The following N4BP1 variants were observed in gnomAD, a reference collection of about 807,000 sequenced individuals.
N4BP1 encodes NEDD4 binding protein 1.
In N4BP1, 21 loss-of-function variants were observed where a neutral mutation model predicts 70.9. The observed-to-expected ratio is 0.30, with a 90% CI of 0.21 to 0.43. The LOEUF is 0.43. Ranked by LOEUF, N4BP1 falls within the 20% of genes least tolerant of loss-of-function variation. The probability of loss-of-function intolerance (pLI) is 1.00; values close to 1 mark genes in which losing one functional copy is unlikely to be tolerated. For synonymous variants in N4BP1, 387 were observed against 394.6 expected (o/e 0.98, Z 0.23); for missense variants, 936 against 1,069.4 (o/e 0.88, Z 1.74).
At chr16:48,573,445 T>C (rs572981343) in intron 1 of N4BP1, among the ~76,000 whole-genome samples, 1 of 151,878 alleles carries the variant, frequency 6.6e-6, no homozygotes, top group Non-Finnish European at 1.5e-5. Context: ...ATACAAAAAT[T>C]AGTCGGGCAT....
At chr16:48,578,778 T>C (rs893674326) in intron 1 of N4BP1, among the ~76,000 whole-genome samples, 1 of 152,212 alleles carries the variant, frequency 6.6e-6, no homozygotes, top group Non-Finnish European at 1.5e-5. Context: ...TATAACCTAG[T>C]TTAAACTTTT....
chr16:48,577,129 C>T lies in N4BP1; in HGVS notation c.199-14685G>A, dbSNP rs142015309. Among the ~76,000 whole-genome samples the T allele has an allele frequency of 4.9e-3, 743 of 152,244 alleles. 7 individuals carry two copies. Among genetic ancestry groups the T allele is most frequent in the African/African-American group, 0.017 (699 of 41,544 alleles). ...GGCAATCCCTTGCCTTCCTCATCTG[C>T]CCCCATTCAAACCAAAACCACTTTG... On this transcript the variant is annotated intron_variant, in intron 1 of 6. Transcript: ENST00000262384.
intron 1 of N4BP1, among the ~76,000 whole-genome samples, chr16:48,593,846 C>A (rs1353613512): frequency 6.6e-6 from 1 of 151,814 alleles, no homozygotes; most frequent in Non-Finnish European, 1.5e-5. Context: ...AGTGTCTCTA[C>A]TAAAAATTAG....
At chr16:48,558,143 A>T (rs1235637539) in intron 2 of N4BP1, among the ~76,000 whole-genome samples, 3 of 152,158 alleles carry the variant, frequency 2.0e-5, no homozygotes, top group Non-Finnish European at 4.4e-5. Context: ...GGTAAATCTT[A>T]ATTACTGATA....
At chr16:48,574,215 T>C (rs1311604889) in intron 1 of N4BP1, among the ~76,000 whole-genome samples, 1 of 152,370 alleles carries the variant, frequency 6.6e-6, no homozygotes, top group African/African-American at 2.4e-5. Flanking sequence ...CATGCGTATA[T>C]ATTATTTTGG....
chr16:48,605,869 G>C (rs539446676), intron 1 of N4BP1, among the ~76,000 whole-genome samples: 30 of 152,244 alleles, frequency 2.0e-4, no homozygotes, highest in Admixed American at 1.8e-3. Context: ...TCCACTGGAG[G>C]AATCTGTGAT....
At position 48,546,230 on chromosome 16, in the gene N4BP1, C is replaced by T. The variant is rs745710930; in HGVS notation, c.2250G>A (p.Gly750=). 7.4e-6 allele frequency: 12 copies of T among 1,611,372 alleles called. No homozygotes were observed. The Admixed American group carries it at 2.0e-4, about 27-fold the overall frequency. The change falls in exon 6 of 7, where the codon GGG becomes GGA. Residue 750 remains glycine, a synonymous_variant. Transcript: ENST00000262384. ...TKRLLQYTFV[G]DIFMVPDDPL... is the part of the protein sequence containing the mutation. ...GATCATCGGGAACCATAAATATGTC[C>T]CCCACGAACGTGTACTGCAGCAGCC...
Position 48,586,603 on chromosome 16 carries a change from A to C in N4BP1, c.198+23172T>G, listed in dbSNP as rs145753202. Among the ~76,000 whole-genome samples the C allele has an allele frequency of 4.9e-3, 744 of 152,342 alleles. 7 individuals carry two copies. The highest frequency in any genetic ancestry group is 0.017 in the African/African-American group (700 of 41,582). ...TTTTGAGATTAATCCACATCGTTAC[A>C]TGTATCAGCCAGTAATTTATCCTTT... On this transcript the variant is annotated intron_variant, in intron 1 of 6. Transcript: ENST00000262384.
At chr16:48,546,349 C>T (rs528980397) in intron 5 of N4BP1, 95 bp from the exon 6 acceptor site, 21 of 762,134 alleles carry the variant, frequency 2.8e-5, no homozygotes, top group Middle Eastern at 2.4e-4. Context: ...GCCAAAGCAA[C>T]GGTCAGGTCA....
intron 4 of N4BP1, among the ~76,000 whole-genome samples, chr16:48,549,432 G>A (rs577550858): frequency 1.2e-4 from 18 of 152,288 alleles, no homozygotes; most frequent in South Asian, 4.1e-4. Context: ...CCAAAAAGCC[G>A]TATCAGCCAA....
intron 1 of N4BP1, among the ~76,000 whole-genome samples, chr16:48,568,638 AT>A: frequency 6.6e-6 from 1 of 152,238 alleles, no homozygotes; most frequent in South Asian, 2.1e-4. Context: ...CTGGGTTAAC[AT>A]TTTTTTCTTC....
rs189251617 is a variant in N4BP1, at chr16:48,602,758, C to T, written c.198+7017G>A. Among the ~76,000 whole-genome samples, 671 of 151,692 alleles carry T rather than the reference C, an allele frequency of 4.4e-3. 3 individuals carry two copies. Among genetic ancestry groups the T allele is most frequent in the Non-Finnish European group, 8.5e-3 (575 of 67,920 alleles). ...TTGTTCAAGAATTCATGAAACCTAC[C>T]TGGGCAACATGAGGAAACCCCATCT... On this transcript the variant is annotated intron_variant, in intron 1 of 6. Transcript: ENST00000262384.
rs768507168 is a variant in N4BP1 at position 48,561,674 on chromosome 16, G to A, written c.969C>T (p.Asp323=). The A allele has an allele frequency of 3.7e-6, 6 of 1,613,186 alleles. No homozygotes were observed. Among genetic ancestry groups the A allele is most frequent in the Non-Finnish European group, 5.1e-6 (6 of 1,179,858 alleles). ...AKTLAGNVIA[D]LSDSSADSEN... ...CAGAATCAGCAGAAGAATCAGATAG[G>A]TCAGCTATTACATTTCCAGCCAATG... Residue 323 remains aspartate (D), a synonymous_variant, in exon 2 of 7, where the codon GAC becomes GAT. Coordinates refer to ENST00000262384, the MANE Select transcript of N4BP1 (RefSeq NM_153029.4).
chr16:48,560,835 G>A lies in N4BP1; in HGVS notation c.1808C>T (p.Pro603Leu), dbSNP rs967382812. ...TTCATTTTTTAATTCCAGCTTGTAG[G>A]GTATTTTTAGAGTATCTCGAAACCT... The part of the protein sequence containing the change: ...VQRFRDTLKI[P>L]YKLELKNEPG... Residue 603 changes from proline (P) to leucine (L), a missense_variant, in exon 2 of 7, where the codon CCC becomes CTC. Transcript: ENST00000262384. The A allele has an allele frequency of 4.3e-6, 7 of 1,613,746 alleles. No homozygotes were observed. The highest frequency in any genetic ancestry group is 5.9e-6 in the Non-Finnish European group (7 of 1,179,866).
intron 1 of N4BP1, among the ~76,000 whole-genome samples, chr16:48,585,926 T>A (rs1567440939): frequency 6.6e-6 from 1 of 151,920 alleles, no homozygotes; most frequent in Non-Finnish European, 1.5e-5. Flanking sequence ...CAACTCCTGA[T>A]CTCAAGTGAT....
Position 48,610,038 on chromosome 16 carries a change from C to G in N4BP1, c.-66G>C. 1 of 949,484 alleles carries G rather than the reference C, an allele frequency of 1.1e-6. No homozygotes were observed. The highest frequency in any genetic ancestry group is 1.3e-6 in the Non-Finnish European group (1 of 780,902). The allele number at this position is 949,484 out of a possible 1,614,324, so 58.8% of individuals were successfully genotyped here. On this transcript the variant is annotated 5_prime_UTR_variant, in exon 1 of 7. Coordinates refer to ENST00000262384, the MANE Select transcript of N4BP1 (RefSeq NM_153029.4). ...CGGCGACGCCCCCTCAGCTTGCTGCCGCTGCTCCCAAGCCAGTCAGGCGGC... is the reference window on the plus strand; with the variant it reads ...CGGCGACGCCCCCTCAGCTTGCTGCGGCTGCTCCCAAGCCAGTCAGGCGGC...
In N4BP1 at chr16:48,559,125, G is replaced by A. The variant is rs1963805561; in HGVS notation, c.1889+1629C>T. Among the ~76,000 whole-genome samples the A allele has an allele frequency of 2.6e-5, 4 of 152,016 alleles. No individual in the cohort carries two copies. The South Asian group carries it at 8.3e-4, about 32-fold the overall frequency. ...GATGAAACAAGACTGATCACGAGCTGGTAATTGTTGAAGGTGGGTGATGAA... is the reference window on the plus strand; with the variant it reads ...GATGAAACAAGACTGATCACGAGCTAGTAATTGTTGAAGGTGGGTGATGAA... On this transcript the variant is annotated intron_variant, in intron 2 of 6. Transcript: ENST00000262384.
intron 1 of N4BP1, among the ~76,000 whole-genome samples, chr16:48,584,868 T>C (rs1443892393): frequency 6.6e-6 from 1 of 152,260 alleles, no homozygotes; most frequent in Non-Finnish European, 1.5e-5. Flanking sequence ...ATTATTTTAT[T>C]ATTTTAATAC....
chr16:48,557,667 G>T (rs1289979602), intron 2 of N4BP1, among the ~76,000 whole-genome samples: 1 of 152,132 alleles, frequency 6.6e-6, no homozygotes, highest in African/African-American at 2.4e-5. Flanking sequence ...CCTAAACTGG[G>T]CATGGTAAGG....
Sources: gnomAD v4.1 joint callset for allele counts (sites outside exome capture counted in the v4.1 genomes callset) on GRCh38, gnomAD v4.1.1 for gene constraint, MANE v1.5 for transcripts, NCBI Gene and HGNC (gene_info 2026-07-23, HGNC 2026-07-21) for gene names.